Variants in CHD9 observed in about 807,000 individuals in gnomAD.
The protein encoded by CHD9 is chromodomain helicase DNA binding protein 9, also known as ATP-dependent chromatin remodeler CHD9.
CHD9 carries 77 observed loss-of-function variants against 316.1 expected under a neutral mutation model. That is an observed-to-expected ratio of 0.24 (90% CI 0.20 to 0.29). CHD9 has a LOEUF of 0.29. Ranked by LOEUF, CHD9 falls within the 10% of genes least tolerant of loss-of-function variation. The probability of loss-of-function intolerance (pLI) is 1.00; values close to 1 mark genes in which losing one functional copy is unlikely to be tolerated. For synonymous variants in CHD9, 1,129 were observed against 1,158.3 expected (o/e 0.97, Z 0.51); for missense variants, 2,763 against 3,438.1 (o/e 0.80, Z 4.91).
chr16:53,265,044 T>C (rs984127728), intron 20 of CHD9, among the ~76,000 whole-genome samples: 2 of 152,156 alleles, frequency 1.3e-5, no homozygotes, highest in Admixed American at 1.3e-4. Context: ...TTGTAAAAAA[T>C]TAAGGACTTT....
At chr16:53,103,882 G>T (rs146264074) in intron 1 of CHD9, among the ~76,000 whole-genome samples, 1 of 152,122 alleles carries the variant, frequency 6.6e-6, no homozygotes, top group East Asian at 1.9e-4. Flanking sequence ...GCAGCTACTC[G>T]GGCTTAAAAC....
In CHD9 at chr16:53,146,436, T is replaced by TATATATAC. The variant is rs1385131635; in HGVS notation, c.-164-9489_-164-9488insTATATACA. Reference sequence around the variant, plus strand: ...GTGTGTATGTATATATATATATATATAATTAAAAAGTTCCAGAGATTGGTG... The same window carrying TATATATAC: ...GTGTGTATGTATATATATATATATATATATATACAATTAAAAAGTTCCAGAGATTGGTG... On this transcript the variant is annotated intron_variant, in intron 1 of 38. Coordinates refer to ENST00000447540, the MANE Select transcript of CHD9 (RefSeq NM_001308319.2). 6.6e-4 allele frequency among the ~76,000 whole-genome samples: 86 copies of TATATATAC among 130,974 alleles called. 4 individuals are homozygous for TATATATAC. The highest frequency in any genetic ancestry group is 1.5e-3 in the Admixed American group (19 of 12,662). 85.9% of individuals were successfully genotyped at this position (130,974 alleles called of 152,430 possible).
At chr16:53,058,992 A>G (rs186034533) in intron 1 of CHD9, among the ~76,000 whole-genome samples, 3 of 152,154 alleles carry the variant, frequency 2.0e-5, no homozygotes, top group Non-Finnish European at 2.9e-5. Context: ...AGCTGGGGCT[A>G]CAGGTGCACA....
intron 1 of CHD9, among the ~76,000 whole-genome samples, chr16:53,075,698 C>A (rs575547430): frequency 1.3e-5 from 2 of 152,176 alleles, no homozygotes; most frequent in African/African-American, 4.8e-5. Context: ...GCCATGATTC[C>A]GAGGCCTCCC....
chr16:53,137,807 T>C (rs1393684804), intron 1 of CHD9, among the ~76,000 whole-genome samples: 1 of 152,194 alleles, frequency 6.6e-6, no homozygotes, highest in Non-Finnish European at 1.5e-5. Context: ...TGAAGATAAA[T>C]GGCAAGACAC....
At chr16:53,238,319 GGAT>G in intron 11 of CHD9, 21 bp from the exon 12 acceptor site, 1 of 1,592,354 alleles carries the variant, frequency 6.3e-7, no homozygotes, top group Non-Finnish European at 8.6e-7. Context: ...ATGTATGCAT[GGAT>G]AATGTATTTG....
chr16:53,077,559 C>G (rs371386811), intron 1 of CHD9, among the ~76,000 whole-genome samples: 6 of 150,712 alleles, frequency 4.0e-5, no homozygotes, highest in African/African-American at 1.5e-4. Context: ...TGTCTTCTGA[C>G]TTCGTGATCC....
intron 2 of CHD9, among the ~76,000 whole-genome samples, chr16:53,204,044 AAAAAAT>A (rs1169361444): frequency 9.7e-6 from 1 of 103,626 alleles, no homozygotes; most frequent in African/African-American, 3.8e-5. Context: ...AAAAAAAAAA[AAAAAAT>A]ATATATATAC....
At chr16:53,084,030 G>A (rs554221402) in intron 1 of CHD9, among the ~76,000 whole-genome samples, 77 of 152,014 alleles carry the variant, frequency 5.1e-4, no homozygotes, top group Non-Finnish European at 2.8e-4. Flanking sequence ...GATTACAAGC[G>A]TGAGCCACCC....
rs191439318 is a variant in CHD9, at chr16:53,229,151, A to C, written c.2286+51A>C. 3.6e-6 allele frequency: 3 copies of C among 843,566 alleles called. No individual in the cohort carries two copies. In the Admixed American group the frequency reaches 8.4e-5, roughly 24 times the overall value. The allele number at this position is 843,566 out of a possible 1,614,324, so 52.3% of individuals were successfully genotyped here. A position where few individuals can be genotyped will look rare whatever the true frequency, so the allele number is the denominator to read the frequency against. ...TATGTGTTGGTCTCTGAATACATGT[A>C]GCATTATTTATCAAAAATTACACAT... On this transcript the variant is annotated intron_variant, in intron 8 of 38. Coordinates refer to ENST00000447540, the MANE Select transcript of CHD9 (RefSeq NM_001308319.2).
At chr16:53,142,109 A>C (rs556200342) in intron 1 of CHD9, among the ~76,000 whole-genome samples, 103 of 152,352 alleles carry the variant, frequency 6.8e-4, no homozygotes, top group African/African-American at 2.3e-3. Context: ...TAACATTTTT[A>C]ATTTTTTAAA....
intron 1 of CHD9, among the ~76,000 whole-genome samples, chr16:53,061,400 A>C (rs964787643): frequency 6.6e-6 from 1 of 152,222 alleles, no homozygotes; most frequent in African/African-American, 2.4e-5. Flanking sequence ...TGGGCAACTC[A>C]TTCCACTGAC....
At chr16:53,089,831 G>T (rs1167163905) in intron 1 of CHD9, among the ~76,000 whole-genome samples, 1 of 152,206 alleles carries the variant, frequency 6.6e-6, no homozygotes, top group Admixed American at 6.5e-5. Context: ...AGAACTGGAA[G>T]GAAAGACACT....
intron 16 of CHD9, chr16:53,247,815 A>T (rs1355558952): frequency 9.2e-6 from 2 of 216,698 alleles, no homozygotes; most frequent in African/African-American, 4.6e-5. Context: ...CTTTAAATAG[A>T]TATATATTTA....
intron 1 of CHD9, among the ~76,000 whole-genome samples, chr16:53,059,137 G>C (rs2032545547): frequency 6.6e-6 from 1 of 152,166 alleles, no homozygotes; most frequent in African/African-American, 2.4e-5. Context: ...TACCTTACCT[G>C]GCCAACATTT....
chr16:53,115,467 T>G (rs962949434), intron 1 of CHD9, among the ~76,000 whole-genome samples: 2 of 152,266 alleles, frequency 1.3e-5, no homozygotes, highest in East Asian at 3.8e-4. Flanking sequence ...CTAATCTTAT[T>G]CTATTAGGTT....
intron 2 of CHD9, among the ~76,000 whole-genome samples, chr16:53,181,947 G>A (rs565665856): frequency 1.3e-5 from 2 of 152,244 alleles, no homozygotes; most frequent in East Asian, 3.9e-4. Context: ...AGGCATGGTG[G>A]TGCATGCCTG....
At position 53,231,803 on chromosome 16, in the gene CHD9, CA is replaced by C; in HGVS notation, c.2511+20del. ...ACGTTTGGTAAGAACCTGTTTTAGA[CA>C]GCTTTATAAAATCTTAGCACTTGTT... On this transcript the variant is annotated intron_variant, in intron 10 of 38. Coordinates refer to ENST00000447540, the MANE Select transcript of CHD9 (RefSeq NM_001308319.2). The C allele has an allele frequency of 6.3e-7, 1 of 1,575,284 alleles. No homozygotes were observed. Among genetic ancestry groups the C allele is most frequent in the Non-Finnish European group, 8.6e-7 (1 of 1,167,206 alleles).
chr16:53,154,664 C>T (rs970202045), intron 1 of CHD9, among the ~76,000 whole-genome samples: 2 of 152,258 alleles, frequency 1.3e-5, no homozygotes, highest in African/African-American at 4.8e-5. Context: ...ATGCAGTTCA[C>T]GATAGGGTTC....
Sources: gnomAD v4.1 joint callset for allele counts (sites outside exome capture counted in the v4.1 genomes callset) on GRCh38, gnomAD v4.1.1 for gene constraint, MANE v1.5 for transcripts, NCBI Gene and HGNC (gene_info 2026-07-23, HGNC 2026-07-21) for gene names.